The following GATB variants were observed in gnomAD, a reference collection of about 807,000 sequenced individuals.
GATB encodes the protein glutamyl-tRNA(Gln) amidotransferase subunit B, mitochondrial.
GATB carries 39 observed loss-of-function variants against 62.3 expected under a neutral mutation model. The ratio of observed to expected loss-of-function variants is 0.63; its 90% CI spans 0.48 to 0.82. GATB has a LOEUF of 0.82. Among genes scored for constraint, GATB ranks in the 40% least tolerant of loss-of-function variants. The pLI, the probability that GATB is intolerant of heterozygous loss-of-function variation, is 0.00. For missense variants in GATB, 670 were observed against 684.0 expected (o/e 0.98, Z 0.23); for synonymous variants, 276 against 258.9 (o/e 1.07, Z -0.63).
At chr4:151,714,942 T>TA (rs1738885424) in intron 5 of GATB, among the ~76,000 whole-genome samples, 2 of 152,336 alleles carry the variant, frequency 1.3e-5, no homozygotes, top group South Asian at 2.1e-4. Context: ...AGTCTTTAAG[T>TA]AAAATAGCAA....
At chr4:151,751,955 G>C (rs1739729047) in intron 2 of GATB, among the ~76,000 whole-genome samples, 1 of 152,166 alleles carries the variant, frequency 6.6e-6, no homozygotes, top group Non-Finnish European at 1.5e-5. Context: ...CTGGCAACCT[G>C]AAACTTCTCT....
rs1397965267 is a variant in GATB at position 151,699,946 on chromosome 4, G to C, written c.1197+1383C>G. On this transcript the variant is annotated intron_variant, in intron 9 of 12. Coordinates refer to ENST00000263985, the MANE Select transcript of GATB (RefSeq NM_004564.3). ...AGGTAACTTAAATCTTCGAGGCTGAGTAGCCTTGGTCCCTTCCTCCCATCT... is the reference window on the plus strand; with the variant it reads ...AGGTAACTTAAATCTTCGAGGCTGACTAGCCTTGGTCCCTTCCTCCCATCT... 2.6e-5 allele frequency among the ~76,000 whole-genome samples: 4 copies of C among 152,306 alleles called. No homozygotes were observed. In the East Asian group the frequency reaches 7.7e-4, roughly 29 times the overall value.
chr4:151,718,963 T>C (rs1279238448), intron 3 of GATB, among the ~76,000 whole-genome samples: 1 of 152,222 alleles, frequency 6.6e-6, no homozygotes, highest in Admixed American at 6.5e-5. Context: ...TCCACTTACT[T>C]GCTCCTTGTG....
At chr4:151,696,357 T>C (rs115003560) in intron 9 of GATB, among the ~76,000 whole-genome samples, 1,924 of 152,358 alleles carry the variant, frequency 0.013, 39 homozygotes, top group African/African-American at 0.044. Flanking sequence ...GATTGTGCTG[T>C]ACAAAACGCT....
intron 10 of GATB, among the ~76,000 whole-genome samples, chr4:151,682,593 T>G (rs1259728778): frequency 6.6e-6 from 1 of 151,880 alleles, no homozygotes; most frequent in African/African-American, 2.4e-5. Flanking sequence ...CTTTCAAAGC[T>G]CCAAAATTTG....
chr4:151,723,624 A>C (rs1367588243), intron 2 of GATB: 2 of 152,210 alleles, frequency 1.3e-5, no homozygotes, highest in Non-Finnish European at 2.9e-5. Flanking sequence ...TTTTAACTAC[A>C]TGAAAGAATT....
intron 10 of GATB, chr4:151,686,803 G>A (rs1241480051): frequency 9.9e-5 from 15 of 152,252 alleles, no homozygotes; most frequent in Admixed American, 5.9e-4. Context: ...CTCCCTGAAA[G>A]TTCTCATCTG....
At chr4:151,697,937 ATGTGTG>A (rs149235830) in intron 9 of GATB, among the ~76,000 whole-genome samples, 1 of 55,772 alleles carries the variant, frequency 1.8e-5, no homozygotes, top group Non-Finnish European at 3.5e-5. Context: ...TTTCATATAT[ATGTGTG>A]TGTGTGTGTG....
chr4:151,736,507 T>G (rs1430808617), intron 2 of GATB, among the ~76,000 whole-genome samples: 2 of 152,210 alleles, frequency 1.3e-5, no homozygotes, highest in African/African-American at 4.8e-5. Context: ...GACTGAAAAC[T>G]TCTCATTAAT....
chr4:151,760,758 G>C (rs1739937266), intron 1 of GATB, 49 bp downstream of exon 1: 1 of 1,495,454 alleles, frequency 6.7e-7, no homozygotes, highest in African/African-American at 1.4e-5. Context: ...CCCCAGTCCT[G>C]CAGTTCCACC....
intron 5 of GATB, among the ~76,000 whole-genome samples, chr4:151,709,456 T>G (rs1738775962): frequency 6.6e-6 from 1 of 152,212 alleles, no homozygotes; most frequent in African/African-American, 2.4e-5. Context: ...TGACAAGTTG[T>G]GTGTATCTGC....
intron 2 of GATB, among the ~76,000 whole-genome samples, chr4:151,733,280 A>G (rs1476177044): frequency 6.6e-6 from 1 of 152,204 alleles, no homozygotes; most frequent in African/African-American, 2.4e-5. Context: ...GAAACGAAAC[A>G]GGAGATATTA....
At chr4:151,715,861 C>T in intron 5 of GATB, 148 bp downstream of exon 5, 1 of 922,762 alleles carries the variant, frequency 1.1e-6, no homozygotes, top group Non-Finnish European at 1.6e-6. Context: ...CAAACAACAA[C>T]AACAAAAAAA....
chr4:151,752,684 A>T (rs1739743363), intron 2 of GATB, among the ~76,000 whole-genome samples: 1 of 152,170 alleles, frequency 6.6e-6, no homozygotes, highest in African/African-American at 2.4e-5. Flanking sequence ...GAGGACATTT[A>T]TAAAAGCTAT....
chr4:151,725,904 T>C (rs533909880), intron 2 of GATB, among the ~76,000 whole-genome samples: 1 of 152,360 alleles, frequency 6.6e-6, no homozygotes, highest in South Asian at 2.1e-4. Flanking sequence ...GAGCCCATGA[T>C]GCTGTAACAC....
chr4:151,697,951 GTGTATATA>G (rs1221174559), intron 9 of GATB, among the ~76,000 whole-genome samples: 6 of 28,634 alleles, frequency 2.1e-4, no homozygotes, highest in African/African-American at 1.3e-3. Context: ...GTGTGTGTGT[GTGTATATA>G]TATATATATA....
In GATB at chr4:151,739,003, A is replaced by G. The variant is rs778976528; in HGVS notation, c.328-19465T>C. Among the ~76,000 whole-genome samples the G allele has an allele frequency of 1.2e-3, 176 of 152,230 alleles. 1 individual carries two copies. The highest frequency in any genetic ancestry group is 1.8e-3 in the Non-Finnish European group (125 of 68,038). On this transcript the variant is annotated intron_variant, in intron 2 of 12. Coordinates refer to ENST00000263985, the MANE Select transcript of GATB (RefSeq NM_004564.3). Reference sequence around the variant, plus strand: ...CTGACCTTGCTCATTGGGATGGCCTATGAGTTGGCAAATATCACTGAAAAT... The same window carrying G: ...CTGACCTTGCTCATTGGGATGGCCTGTGAGTTGGCAAATATCACTGAAAAT...
intron 2 of GATB, among the ~76,000 whole-genome samples, chr4:151,735,643 C>G (rs935096895): frequency 1.3e-5 from 2 of 150,842 alleles, no homozygotes; most frequent in African/African-American, 4.9e-5. Flanking sequence ...GATACTTGCA[C>G]ACGCATGTTT....
intron 5 of GATB, among the ~76,000 whole-genome samples, chr4:151,711,853 T>C (rs570632092): frequency 6.6e-6 from 1 of 152,288 alleles, no homozygotes; most frequent in African/African-American, 2.4e-5. Context: ...TCCTGAGCAA[T>C]GAGTAAGCAG....
Sources: gnomAD v4.1 joint callset for allele counts (sites outside exome capture counted in the v4.1 genomes callset) on GRCh38, gnomAD v4.1.1 for gene constraint, MANE v1.5 for transcripts, NCBI Gene and HGNC (gene_info 2026-07-23, HGNC 2026-07-21) for gene names.